The following L3MBTL4 variants were observed in gnomAD, a reference collection of about 807,000 sequenced individuals.
L3MBTL4 encodes the protein L3MBTL histone methyl-lysine binding protein 4, also known as lethal(3)malignant brain tumor-like protein 4.
Under a neutral mutation model 84.5 loss-of-function variants are expected in L3MBTL4, and 70 were observed. The ratio of observed to expected loss-of-function variants is 0.83; its 90% CI spans 0.68 to 1.01. The LOEUF is 1.01. L3MBTL4 is among the 50% of genes least tolerant of loss of function. The pLI, the probability that L3MBTL4 is intolerant of heterozygous loss-of-function variation, is 0.00. For missense variants in L3MBTL4, 715 were observed against 754.8 expected, an observed-to-expected ratio of 0.95 and a Z score of 0.62; for synonymous variants, 274 against 259.8, an observed-to-expected ratio of 1.05 and a Z score of -0.52.
chr18:6,084,947 C>T (rs1443161895), intron 15 of L3MBTL4, among the ~76,000 whole-genome samples: 4 of 152,076 alleles, frequency 2.6e-5, no homozygotes, highest in African/African-American at 7.2e-5. Flanking sequence ...TGAGGTAAGA[C>T]GTGGAGCTAG....
chr18:5,957,080 T>C (rs1221618311), intron 18 of L3MBTL4, among the ~76,000 whole-genome samples: 2 of 152,238 alleles, frequency 1.3e-5, no homozygotes, highest in African/African-American at 4.8e-5. Flanking sequence ...GGATGTAGAA[T>C]AGTGGTTAGT....
chr18:6,365,793 C>G (rs1705941932), intron 1 of L3MBTL4, among the ~76,000 whole-genome samples: 1 of 152,328 alleles, frequency 6.6e-6, no homozygotes, highest in South Asian at 2.1e-4. Flanking sequence ...TTCAAATTAT[C>G]ACTAGTTCTT....
At chr18:6,168,231 C>G (rs527894404) in intron 13 of L3MBTL4, among the ~76,000 whole-genome samples, 3 of 151,950 alleles carry the variant, frequency 2.0e-5, no homozygotes. Context: ...GAATCAATAT[C>G]GTGAAAATGG....
chr18:6,049,195 T>C (rs2056753528), intron 16 of L3MBTL4, among the ~76,000 whole-genome samples: 1 of 152,124 alleles, frequency 6.6e-6, no homozygotes, highest in African/African-American at 2.4e-5. Context: ...TTTCTGAATA[T>C]TGGCCTTGAA....
chr18:6,344,848 G>A (rs1455514613), intron 1 of L3MBTL4, among the ~76,000 whole-genome samples: 2 of 151,570 alleles, frequency 1.3e-5, no homozygotes, highest in Non-Finnish European at 2.9e-5. Context: ...CAACAAATTA[G>A]GTATAGAGGG....
chr18:6,301,759 A>C, intron 4 of L3MBTL4, 144 bp downstream of exon 4: 1 of 679,390 alleles, frequency 1.5e-6, no homozygotes, highest in Non-Finnish European at 2.6e-6. Flanking sequence ...AGTCTGCAGA[A>C]GAGTATGCAA....
chr18:6,165,171 T>C (rs1353814789), intron 13 of L3MBTL4, among the ~76,000 whole-genome samples: 1 of 152,066 alleles, frequency 6.6e-6, no homozygotes, highest in African/African-American at 2.4e-5. Flanking sequence ...CCAAGAAATA[T>C]GGGACTATGT....
intron 13 of L3MBTL4, among the ~76,000 whole-genome samples, chr18:6,145,848 C>T (rs1006669820): frequency 7.2e-5 from 11 of 152,148 alleles, no homozygotes; most frequent in African/African-American, 2.4e-4. Context: ...GGCCCTGCCC[C>T]GGGAGCTTAC....
At chr18:6,228,557 A>G (rs545726331) in intron 10 of L3MBTL4, among the ~76,000 whole-genome samples, 1 of 152,334 alleles carries the variant, frequency 6.6e-6, no homozygotes, top group African/African-American at 2.4e-5. Context: ...TAAGAAAAAT[A>G]ATTCTTAAAA....
rs2095226554 is a variant in L3MBTL4 at position 5,956,319 on chromosome 18, C to T, written c.1746G>A (p.Leu582=). 1 of 1,614,098 alleles carries T rather than the reference C, an allele frequency of 6.2e-7. No homozygotes were observed. Among genetic ancestry groups the T allele is most frequent in the Non-Finnish European group, 8.5e-7 (1 of 1,179,976 alleles). Residue 582 remains leucine (L), a synonymous_variant, in exon 19 of 19, where the codon CTG becomes CTA. Transcript: ENST00000317931. ...TDIVKVMKIK[L]GPALKIYNSI... is the part of the protein sequence containing the mutation. ...AGTTGTAAATCTTCAGTGCTGGGCCCAGTTTGATCTTCATCACTTTGACAA... is the reference window on the plus strand; with the variant it reads ...AGTTGTAAATCTTCAGTGCTGGGCCTAGTTTGATCTTCATCACTTTGACAA...
intron 4 of L3MBTL4, among the ~76,000 whole-genome samples, chr18:6,297,148 T>G (rs1240202742): frequency 6.6e-6 from 1 of 152,162 alleles, no homozygotes; most frequent in African/African-American, 2.4e-5. Flanking sequence ...ATAGTTTCAG[T>G]GCAATGATGA....
intron 15 of L3MBTL4, among the ~76,000 whole-genome samples, chr18:6,081,877 AATC>A (rs2058088403): frequency 6.6e-6 from 1 of 152,206 alleles, no homozygotes; most frequent in African/African-American, 2.4e-5. Context: ...GAGATCTCTT[AATC>A]ATCAAGACTT....
chr18:6,301,335 T>C (rs2050328990), intron 4 of L3MBTL4, among the ~76,000 whole-genome samples: 1 of 152,218 alleles, frequency 6.6e-6, no homozygotes, highest in African/African-American at 2.4e-5. Flanking sequence ...TCTCCTTGTG[T>C]AGCAATAATC....
intron 12 of L3MBTL4, among the ~76,000 whole-genome samples, chr18:6,189,402 C>G (rs1243230252): frequency 2.6e-5 from 4 of 152,146 alleles, no homozygotes; most frequent in Non-Finnish European, 5.9e-5. Flanking sequence ...CCACTATAGG[C>G]CCTCACACTA....
intron 16 of L3MBTL4, among the ~76,000 whole-genome samples, chr18:5,993,051 G>C (rs2053774851): frequency 6.6e-6 from 1 of 152,172 alleles, no homozygotes; most frequent in Non-Finnish European, 1.5e-5. Context: ...AGAGAAAAAT[G>C]AGCATCTTAT....
rs182652435 is a variant in L3MBTL4 at position 6,265,486 on chromosome 18, A to G, written c.128-1448T>C. 2.7e-3 allele frequency among the ~76,000 whole-genome samples: 409 copies of G among 152,356 alleles called. 1 individual carries two copies. The highest frequency in any genetic ancestry group is 9.5e-3 in the African/African-American group (395 of 41,590). ...CAGCAAAATGCAAAGTAGTATTAAT[A>G]TGGGAAGGAGGTTAAAGAAACTATT... On this transcript the variant is annotated intron_variant, in intron 4 of 18. Transcript: ENST00000317931.
chr18:6,262,723 C>G (rs1395373129), intron 5 of L3MBTL4, among the ~76,000 whole-genome samples: 1 of 152,136 alleles, frequency 6.6e-6, no homozygotes, highest in Admixed American at 6.5e-5. Context: ...GTCTCATTTT[C>G]CATGGTATGA....
At chr18:6,212,507 C>A (rs1451555227) in intron 12 of L3MBTL4, among the ~76,000 whole-genome samples, 4 of 152,176 alleles carry the variant, frequency 2.6e-5, no homozygotes, top group Non-Finnish European at 5.9e-5. Flanking sequence ...GCTTTCAGCT[C>A]TCTGAGAAAA....
chr18:6,318,494 T>TAAAAAA (rs71370550), intron 1 of L3MBTL4, among the ~76,000 whole-genome samples: 201 of 14,222 alleles, frequency 0.014, 4 homozygotes, highest in East Asian at 0.034. Flanking sequence ...ACAACAATAG[T>TAAAAAA]AAAAAAAAAA....
Sources: gnomAD v4.1 joint callset for allele counts (sites outside exome capture counted in the v4.1 genomes callset) on GRCh38, gnomAD v4.1.1 for gene constraint, MANE v1.5 for transcripts, NCBI Gene and HGNC (gene_info 2026-07-23, HGNC 2026-07-21) for gene names.